DCC: variants seen among roughly 807,000 people sequenced by gnomAD.
DCC encodes the protein netrin receptor DCC.
A neutral mutation model predicts 172.5 loss-of-function variants in DCC; 58 were observed. The observed-to-expected ratio is 0.34, with a 90% confidence interval of 0.27 to 0.42. DCC has a LOEUF of 0.42. Ranked by LOEUF, DCC falls within the 10% of genes least tolerant of loss-of-function variation. The pLI is 1.00. For synonymous variants in DCC, 709 were observed against 644.5 expected, an observed-to-expected ratio of 1.10 and a Z score of -1.52; for missense variants, 1,740 against 1,791.0, an observed-to-expected ratio of 0.97 and a Z score of 0.51.
intron 22 of DCC, among the ~76,000 whole-genome samples, chr18:53,447,992 G>A (rs1225528851): frequency 6.8e-6 from 1 of 146,488 alleles, no homozygotes; most frequent in African/African-American, 2.5e-5. Context: ...TATAGTAGAA[G>A]TACTTCTGTT....
intron 12 of DCC, among the ~76,000 whole-genome samples, chr18:53,244,173 T>G (rs1313643038): frequency 6.6e-6 from 1 of 152,190 alleles, no homozygotes; most frequent in Non-Finnish European, 1.5e-5. Context: ...TGTTCTTCAC[T>G]GGAAGTTTGA....
At chr18:53,208,105 G>GT (rs141875005) in intron 11 of DCC, among the ~76,000 whole-genome samples, 13,153 of 127,094 alleles carry the variant, frequency 0.1, 669 homozygotes, top group Middle Eastern at 0.14. Flanking sequence ...CTCTGTAAAT[G>GT]TTTTTTTTTT....
intron 1 of DCC, among the ~76,000 whole-genome samples, chr18:52,357,039 C>T (rs983256444): frequency 1.1e-4 from 16 of 152,120 alleles, no homozygotes; most frequent in African/African-American, 3.6e-4. Context: ...TCCACCTTGG[C>T]CTCCCAAAGT....
chr18:52,628,606 T>C (rs2034616967), intron 1 of DCC, among the ~76,000 whole-genome samples: 2 of 152,184 alleles, frequency 1.3e-5, no homozygotes, highest in Non-Finnish European at 2.9e-5. Flanking sequence ...TTCCAAGTTA[T>C]AACCACTCCC....
intron 5 of DCC, among the ~76,000 whole-genome samples, chr18:53,033,551 G>A (rs2143968261): frequency 6.6e-6 from 1 of 152,196 alleles, no homozygotes; most frequent in South Asian, 2.1e-4. Flanking sequence ...CGTCCTGCAT[G>A]CTGTCTCAGC....
intron 1 of DCC, among the ~76,000 whole-genome samples, chr18:52,471,598 T>C (rs751233429): frequency 1.1e-4 from 17 of 152,172 alleles, no homozygotes; most frequent in Non-Finnish European, 1.8e-4. Flanking sequence ...GGTGATAACT[T>C]GAAATATATT....
chr18:52,570,371 G>A (rs113843878), intron 1 of DCC, among the ~76,000 whole-genome samples: 66 of 152,276 alleles, frequency 4.3e-4, no homozygotes, highest in African/African-American at 1.5e-3. Context: ...AAGCAAAGGA[G>A]ATGTATAGTT....
chr18:52,569,406 G>T (rs2033240836), intron 1 of DCC, among the ~76,000 whole-genome samples: 1 of 152,080 alleles, frequency 6.6e-6, no homozygotes, highest in African/African-American at 2.4e-5. Context: ...ACATGACCGG[G>T]CACATCTAAA....
chr18:52,685,312 T>C (rs2035813592), intron 1 of DCC, among the ~76,000 whole-genome samples: 1 of 152,156 alleles, frequency 6.6e-6, no homozygotes, highest in Non-Finnish European at 1.5e-5. Flanking sequence ...GCCTGTTAAT[T>C]TGATTTATTG....
Position 52,712,375 on chromosome 18 carries a change from C to G in DCC, c.92-39679C>G, listed in dbSNP as rs556301345. Reference sequence around the variant, plus strand: ...ATATTATTTGACTTTTACTTGTAATCGTTAGCAACCATTTGTAAAATACCT... The same window carrying G: ...ATATTATTTGACTTTTACTTGTAATGGTTAGCAACCATTTGTAAAATACCT... On this transcript the variant is annotated intron_variant, in intron 1 of 28. Coordinates refer to ENST00000442544, the MANE Select transcript of DCC (RefSeq NM_005215.4). 8.5e-5 allele frequency among the ~76,000 whole-genome samples: 13 copies of G among 152,230 alleles called. No individual in the cohort carries two copies. The East Asian group carries it at 2.1e-3, about 25-fold the overall frequency.
intron 2 of DCC, among the ~76,000 whole-genome samples, chr18:52,800,010 A>G (rs974254966): frequency 1.2e-4 from 18 of 152,176 alleles, no homozygotes; most frequent in African/African-American, 4.1e-4. Flanking sequence ...CAAAATTTTA[A>G]GACGTAGTAG....
chr18:52,497,280 A>AAAAAAATAT (rs1555689730), intron 1 of DCC, among the ~76,000 whole-genome samples: 10 of 21,552 alleles, frequency 4.6e-4, no homozygotes, highest in Non-Finnish European at 8.5e-4. Context: ...AAAAAAAAAA[A>AAAAAAATAT]ATATATATAT....
rs2042789220 is a variant in DCC, at chr18:53,080,828, T to C, written c.1261+14662T>C. On this transcript the variant is annotated intron_variant, in intron 7 of 28. Coordinates refer to ENST00000442544, the MANE Select transcript of DCC (RefSeq NM_005215.4). Reference sequence around the variant, plus strand: ...TTCTGTAAGTTATTGGCATTGCTGATGGTAATGAAAAGCTTAAGGGAGAGT... The same window carrying C: ...TTCTGTAAGTTATTGGCATTGCTGACGGTAATGAAAAGCTTAAGGGAGAGT... Among the ~76,000 whole-genome samples the C allele has an allele frequency of 2.0e-5, 3 of 152,062 alleles. No homozygotes were observed. In the South Asian group the frequency reaches 6.2e-4, roughly 31 times the overall value.
chr18:52,543,086 T>C (rs2032506207), intron 1 of DCC, among the ~76,000 whole-genome samples: 3 of 152,194 alleles, frequency 2.0e-5, no homozygotes, highest in African/African-American at 2.4e-5. Flanking sequence ...CTGGGCTCCC[T>C]GGGGAGGCTG....
chr18:52,470,301 G>T (rs1789162214), intron 1 of DCC, among the ~76,000 whole-genome samples: 1 of 152,118 alleles, frequency 6.6e-6, no homozygotes, highest in Non-Finnish European at 1.5e-5. Flanking sequence ...TTTTTAGTAG[G>T]ACTGTGAATG....
chr18:53,394,907 C>T (rs951890759), intron 17 of DCC, among the ~76,000 whole-genome samples: 3 of 151,330 alleles, frequency 2.0e-5, no homozygotes, highest in East Asian at 2.0e-4. Context: ...TCTGGGAGGC[C>T]GAGGCGGGTG....
chr18:53,372,615 A>C (rs916153969), intron 15 of DCC, among the ~76,000 whole-genome samples: 2 of 152,142 alleles, frequency 1.3e-5, no homozygotes, highest in Non-Finnish European at 2.9e-5. Flanking sequence ...AAGTTAAAAA[A>C]AATCAACTAT....
chr18:53,292,905 A>G (rs2057022867), intron 12 of DCC, among the ~76,000 whole-genome samples: 1 of 152,146 alleles, frequency 6.6e-6, no homozygotes, highest in Admixed American at 6.5e-5. Flanking sequence ...AAGTGACTTG[A>G]TTACTTAATT....
At chr18:53,372,109 T>C (rs1206438387) in intron 15 of DCC, among the ~76,000 whole-genome samples, 1 of 152,138 alleles carries the variant, frequency 6.6e-6, no homozygotes, top group African/African-American at 2.4e-5. Flanking sequence ...ATCCTATTAC[T>C]GGAAATATAC....
Sources: gnomAD v4.1 joint callset for allele counts (sites outside exome capture counted in the v4.1 genomes callset) on GRCh38, gnomAD v4.1.1 for gene constraint, MANE v1.5 for transcripts, NCBI Gene and HGNC (gene_info 2026-07-23, HGNC 2026-07-21) for gene names.